The following SYNRG variants were observed in gnomAD, a reference collection of about 807,000 sequenced individuals.
SYNRG encodes the protein AP1 gamma subunit binding protein 1.
Under a neutral mutation model 130.9 loss-of-function variants are expected in SYNRG, and 37 were observed. The observed-to-expected ratio is 0.28, with a 90% CI of 0.22 to 0.37. The LOEUF is 0.37. SYNRG is among the 10% of genes least tolerant of loss of function. The probability of loss-of-function intolerance (pLI) is 1.00; values close to 1 mark genes in which losing one functional copy is unlikely to be tolerated. For missense variants in SYNRG, 1,338 were observed against 1,588.9 expected (o/e 0.84, Z 2.68); for synonymous variants, 539 against 568.1 (o/e 0.95, Z 0.73).
intron 10 of SYNRG, among the ~76,000 whole-genome samples, chr17:37,569,609 C>T (rs557006042): frequency 1.5e-4 from 21 of 141,730 alleles, no homozygotes; most frequent in African/African-American, 5.1e-4. Flanking sequence ...GAGCCACGAC[C>T]GTGCCACTGC....
intron 3 of SYNRG, among the ~76,000 whole-genome samples, chr17:37,593,015 A>G (rs535278208): frequency 2.7e-4 from 41 of 152,354 alleles, no homozygotes; most frequent in African/African-American, 9.1e-4. Flanking sequence ...ATGCTTCAGA[A>G]TAATAATTTT....
In SYNRG at chr17:37,586,444, G is replaced by C. The variant is rs371705339; in HGVS notation, c.346C>G (p.Gln116Glu). ...PPGPQYTPDMQKQFAEEQQKR... is the reference protein window; with the variant it reads ...PPGPQYTPDMEKQFAEEQQKR... ...TGCTGCTCTTCGGCAAACTGCTTCT[G>C]CATGTCTGGAGTGTACTGTGGGCCT... Residue 116 changes from glutamine (Q) to glutamate (E), a missense_variant, in exon 4 of 22, where the codon CAG becomes GAG. By Grantham distance (29) the Gln-to-Glu change is conservative (BLOSUM62 2). This residue lies in a region of SYNRG where 184 missense variants were observed against 217.2 expected (regional missense o/e 0.85). Transcript: ENST00000612223. 2.5e-6 allele frequency: 4 copies of C among 1,614,122 alleles called. No homozygotes were observed. The highest frequency in any genetic ancestry group is 2.5e-6 in the Non-Finnish European group (3 of 1,179,980).
chr17:37,548,860 C>T (rs902236044), intron 14 of SYNRG, among the ~76,000 whole-genome samples: 8 of 141,828 alleles, frequency 5.6e-5, no homozygotes, highest in Admixed American at 1.4e-4. Context: ...AAAAAACGGG[C>T]GTGGTGGCTC....
intron 20 of SYNRG, 131 bp from the exon 21 acceptor site, chr17:37,520,345 GCCGCGT>G: frequency 2.4e-6 from 3 of 1,262,682 alleles, no homozygotes; most frequent in Non-Finnish European, 3.4e-6. Flanking sequence ...AGGCATGAGA[GCCGCGT>G]CCATTCCCTC....
intron 19 of SYNRG, among the ~76,000 whole-genome samples, chr17:37,525,307 C>CT (rs201780779): frequency 0.013 from 2,001 of 152,278 alleles, 35 homozygotes; most frequent in African/African-American, 0.046. Flanking sequence ...CCTACTGACA[C>CT]TGATAAGTCC....
chr17:37,580,510 T>TGAGAGAGAGAGAGAGA (rs71135748), intron 6 of SYNRG, among the ~76,000 whole-genome samples: 86 of 127,714 alleles, frequency 6.7e-4, no homozygotes, highest in African/African-American at 2.4e-3. Context: ...TGTGTGTGTG[T>TGAGAGAGAGAGAGAGA]GAGAGAGAGA....
At position 37,598,786 on chromosome 17, in the gene SYNRG, C is replaced by G. The variant is rs1032948491; in HGVS notation, c.118+1577G>C. ...GCAACACTTTGGGGTCTCTTCTTGT[C>G]CAGTTCCTTTGCTCCATATGCATAT... On this transcript the variant is annotated intron_variant, in intron 2 of 21. Transcript: ENST00000612223. Among the ~76,000 whole-genome samples the G allele has an allele frequency of 2.6e-5, 4 of 152,180 alleles. No homozygotes were observed. In the South Asian group the frequency reaches 8.3e-4, roughly 31 times the overall value.
chr17:37,522,799 C>T (rs889288786), intron 19 of SYNRG, among the ~76,000 whole-genome samples: 3 of 152,098 alleles, frequency 2.0e-5, no homozygotes, highest in Non-Finnish European at 4.4e-5. Context: ...CACCACCACA[C>T]CTGGCTAATT....
Position 37,586,526 on chromosome 17 carries a change from C to T in SYNRG, c.264G>A (p.Met88Ile), listed in dbSNP as rs1176501653. 1 of 1,614,136 alleles carries T rather than the reference C, an allele frequency of 6.2e-7. No individual in the cohort carries two copies. Among genetic ancestry groups the T allele is most frequent in the South Asian group, 1.1e-5 (1 of 91,078 alleles). The change falls in exon 4 of 22, where the codon ATG (methionine) becomes ATA (isoleucine). Residue 88 changes from methionine (M) to isoleucine (I), a missense_variant. Around this residue, in one of 3 missense-constraint regions of SYNRG, gnomAD observed 184 missense variants for 217.2 expected, o/e 0.85. Transcript: ENST00000612223. ...AMQAGIPMGP[M>I]PAAGMPYLGQ... ...CTAGGTAAGGCATTCCCGCTGCTGG[C>T]ATTGGTCCCATTGGTATTCCTGCCT...
rs534961739 is a variant in SYNRG, at chr17:37,547,563, A to T, written c.2609-4998T>A. Among the ~76,000 whole-genome samples, 6 of 152,054 alleles carry T rather than the reference A, an allele frequency of 3.9e-5. No individual in the cohort carries two copies. In the East Asian group the frequency reaches 9.7e-4, roughly 24 times the overall value. On this transcript the variant is annotated intron_variant, in intron 14 of 21. Coordinates refer to ENST00000612223, the MANE Select transcript of SYNRG (RefSeq NM_007247.6). ...CTGCAACCTCCACCTCACAGGTTCA[A>T]GCAATTCTCGTGCCTCAGCCCCCCG...
chr17:37,568,924 C>T lies in SYNRG; in HGVS notation c.1348G>A (p.Val450Ile). Residue 450 changes from valine (V) to isoleucine (I), a missense_variant and splice_region_variant, in exon 11 of 22, where the codon GTA (valine) becomes ATA (isoleucine). Val to Ile is a conservative substitution (Grantham distance 29, BLOSUM62 3). Around this residue, in one of 3 missense-constraint regions of SYNRG, gnomAD observed 1,146 missense variants for 1,342.3 expected, o/e 0.85. Coordinates refer to ENST00000612223, the MANE Select transcript of SYNRG (RefSeq NM_007247.6). ...GFIPTYPANQ[V>I]VKPEEDDFQD... ...AAGTCATCTTCTTCTGGCTTTACTA[C>T]CTAGGTTTATAAAGGTCATTTAAAT... The T allele has an allele frequency of 6.2e-7, 1 of 1,611,976 alleles. No homozygotes were observed. Among genetic ancestry groups the T allele is most frequent in the South Asian group, 1.1e-5 (1 of 90,550 alleles).
At chr17:37,566,117 AC>A (rs1267350616) in intron 11 of SYNRG, among the ~76,000 whole-genome samples, 4 of 152,140 alleles carry the variant, frequency 2.6e-5, no homozygotes, top group Non-Finnish European at 5.9e-5. Context: ...CCCGGCCACC[AC>A]CCTGTCTGGG....
At chr17:37,601,321 G>A (rs536318853) in intron 1 of SYNRG, among the ~76,000 whole-genome samples, 4 of 152,080 alleles carry the variant, frequency 2.6e-5, no homozygotes, top group African/African-American at 4.8e-5. Context: ...CACCCGCCTC[G>A]GCCTCCCAAA....
chr17:37,575,504 TTTC>T (rs1261596291), intron 8 of SYNRG, among the ~76,000 whole-genome samples: 1 of 152,118 alleles, frequency 6.6e-6, no homozygotes, highest in African/African-American at 2.4e-5. Flanking sequence ...AGGATTTTCT[TTTC>T]TTTTTTTTTT....
At chr17:37,535,847 C>T in intron 19 of SYNRG, 132 bp downstream of exon 19, 1 of 1,231,836 alleles carries the variant, frequency 8.1e-7, no homozygotes, top group East Asian at 2.4e-5. Context: ...CTGTGATCTC[C>T]CTCCTTTAAT....
intron 18 of SYNRG, among the ~76,000 whole-genome samples, chr17:37,537,719 G>A (rs1386164901): frequency 1.3e-5 from 2 of 152,334 alleles, no homozygotes; most frequent in South Asian, 2.1e-4. Context: ...CAGAGAATGG[G>A]ATGGGAAGTA....
chr17:37,560,234 T>C (rs1313674076), intron 13 of SYNRG, among the ~76,000 whole-genome samples: 1 of 151,346 alleles, frequency 6.6e-6, no homozygotes, highest in Admixed American at 6.6e-5. Context: ...AGAAAATAAA[T>C]AATTCTCAAT....
Position 37,571,936 on chromosome 17 carries a change from G to A in SYNRG, c.953C>T (p.Thr318Ile), listed in dbSNP as rs770092427. The A allele has an allele frequency of 1.9e-6, 3 of 1,614,156 alleles. No homozygotes were observed. Among genetic ancestry groups the A allele is most frequent in the East Asian group, 2.2e-5 (1 of 44,870 alleles). Reference protein sequence around the residue: ...ETTMTPTGIDTAKLYPILMSS... With the variant: ...ETTMTPTGIDIAKLYPILMSS... ...CATCAGAATGGGATACAGTTTGGCAGTATCTATTCCAGTTGGAGTCATTGT... is the reference window on the plus strand; with the variant it reads ...CATCAGAATGGGATACAGTTTGGCAATATCTATTCCAGTTGGAGTCATTGT... The change falls in exon 9 of 22, where the codon ACT becomes ATT. Residue 318 changes from threonine (T) to isoleucine (I), a missense_variant. Physicochemically the swap from Thr to Ile is moderately conservative, Grantham distance 89. Around this residue, in one of 3 missense-constraint regions of SYNRG, gnomAD observed 1,146 missense variants for 1,342.3 expected, o/e 0.85. Coordinates refer to ENST00000612223, the MANE Select transcript of SYNRG (RefSeq NM_007247.6).
At chr17:37,552,157 TC>T (rs2058757001) in intron 14 of SYNRG, among the ~76,000 whole-genome samples, 1 of 152,248 alleles carries the variant, frequency 6.6e-6, no homozygotes, top group Non-Finnish European at 1.5e-5. Flanking sequence ...GTCTCACGTG[TC>T]CCCCCTAGTT....
Sources: gnomAD v4.1 joint callset for allele counts (sites outside exome capture counted in the v4.1 genomes callset) on GRCh38, gnomAD v4.1.1 for gene constraint, gnomAD v4.1.1 regional missense constraint, MANE v1.5 for transcripts, NCBI Gene and HGNC (gene_info 2026-07-23, HGNC 2026-07-21) for gene names.